DROSHA: variants seen among roughly 807,000 people sequenced by gnomAD.
DROSHA encodes ribonuclease 3.
Under a neutral mutation model 181.9 loss-of-function variants are expected in DROSHA, and 56 were observed. The observed-to-expected ratio is 0.31, with a 90% confidence interval of 0.25 to 0.38. The LOEUF is 0.38. Ranked by LOEUF, DROSHA falls within the 10% of genes least tolerant of loss-of-function variation. DROSHA has a pLI of 1.00. For missense variants in DROSHA, 1,218 were observed against 1,743.5 expected (o/e 0.70, Z 5.37); for synonymous variants, 524 against 591.2 (o/e 0.89, Z 1.65).
At chr5:31,405,594 AC>A (rs1230267668) in intron 35 of DROSHA, 82 bp downstream of exon 35, 6 of 1,210,018 alleles carry the variant, frequency 5.0e-6, no homozygotes, top group African/African-American at 3.1e-5. Context: ...ATCAATACTT[AC>A]CATTTTTCTC....
At chr5:31,520,551 A>G (rs751342966) in intron 6 of DROSHA, among the ~76,000 whole-genome samples, 2 of 152,312 alleles carry the variant, frequency 1.3e-5, no homozygotes, top group Non-Finnish European at 2.9e-5. Flanking sequence ...AAGAAGGTAC[A>G]TATAACTGTC....
At chr5:31,475,876 T>A (rs565127778) in intron 16 of DROSHA, among the ~76,000 whole-genome samples, 9 of 152,334 alleles carry the variant, frequency 5.9e-5, no homozygotes, top group Non-Finnish European at 1.2e-4. Flanking sequence ...TACAGCTGCC[T>A]GACTCCATGG....
intron 6 of DROSHA, among the ~76,000 whole-genome samples, chr5:31,516,886 A>G (rs1433076472): frequency 1.3e-5 from 2 of 152,170 alleles, no homozygotes; most frequent in African/African-American, 4.8e-5. Flanking sequence ...CTCTTCCACC[A>G]TAAACAATGC....
chr5:31,403,622 C>T (rs1740309410), intron 35 of DROSHA, among the ~76,000 whole-genome samples: 1 of 152,154 alleles, frequency 6.6e-6, no homozygotes, highest in African/African-American at 2.4e-5. Flanking sequence ...AAACTACTAT[C>T]CACAGGCCAA....
chr5:31,492,407 A>T (rs2150042669), intron 13 of DROSHA, among the ~76,000 whole-genome samples: 1 of 152,376 alleles, frequency 6.6e-6, no homozygotes, highest in Non-Finnish European at 1.5e-5. Flanking sequence ...AGTAAACAGT[A>T]CTAAAATAAT....
chr5:31,437,627 A>C (rs763436320), intron 23 of DROSHA, among the ~76,000 whole-genome samples: 4 of 152,180 alleles, frequency 2.6e-5, no homozygotes, highest in Non-Finnish European at 2.9e-5. Context: ...GAAGACATAA[A>C]GAAGAATGCC....
At position 31,526,868 on chromosome 5, in the gene DROSHA, C is replaced by T. The variant is rs1331222636; in HGVS notation, c.65G>A (p.Arg22Gln). The change falls in exon 5 of 36, where the codon CGA becomes CAA. Residue 22 changes from arginine (R) to glutamine (Q), a missense_variant. Arg to Gln is a conservative substitution (Grantham distance 43, BLOSUM62 1). Around this residue, in one of 8 missense-constraint regions of DROSHA, gnomAD observed 536 missense variants for 535.4 expected, o/e 1.00. Transcript: ENST00000344624. ...TGAGGGTCTGGCTCCATGTCCTCCTCGTCCTCGGGGACACCCTCGTCCCGG... is the reference window on the plus strand; with the variant it reads ...TGAGGGTCTGGCTCCATGTCCTCCTTGTCCTCGGGGACACCCTCGTCCCGG... ...FHPGRGCPRG[R>Q]GGHGARPSAP... The T allele has an allele frequency of 2.5e-6, 4 of 1,613,118 alleles. No individual in the cohort carries two copies. The highest frequency in any genetic ancestry group is 2.5e-6 in the Non-Finnish European group (3 of 1,179,858).
intron 13 of DROSHA, among the ~76,000 whole-genome samples, chr5:31,487,426 A>G (rs1211901909): frequency 1.3e-5 from 2 of 152,246 alleles, no homozygotes; most frequent in Non-Finnish European, 2.9e-5. Flanking sequence ...TACTGCCTAC[A>G]CATAACAGGT....
intron 11 of DROSHA, among the ~76,000 whole-genome samples, chr5:31,502,687 C>A (rs1247068410): frequency 1.3e-5 from 2 of 152,244 alleles, no homozygotes; most frequent in African/African-American, 4.8e-5. Context: ...CCTCCCTCAG[C>A]TGATGACTAA....
chr5:31,504,113 A>AC (rs1737627410), intron 11 of DROSHA, among the ~76,000 whole-genome samples: 1 of 152,218 alleles, frequency 6.6e-6, no homozygotes, highest in African/African-American at 2.4e-5. Flanking sequence ...TCCCTGATAA[A>AC]CCAAGGGCAG....
intron 22 of DROSHA, 55 bp downstream of exon 22, chr5:31,449,226 A>G (rs1463127959): frequency 1.2e-6 from 2 of 1,601,008 alleles, no homozygotes; most frequent in Non-Finnish European, 1.7e-6. Context: ...ATAATTTACA[A>G]CAGAAAACAC....
rs142288774 is a variant in DROSHA, at chr5:31,473,669, G to A, written c.2072-1437C>T. Among the ~76,000 whole-genome samples the A allele has an allele frequency of 1.4e-3, 207 of 152,330 alleles. No homozygotes were observed. The Middle Eastern group carries it at 0.014, about 10-fold the overall frequency. ...GAATCAAACAGGACAAGGAACTAGA[G>A]TTGTATCTAAAAGGATGGATAAGAA... On this transcript the variant is annotated intron_variant, in intron 16 of 35. Transcript: ENST00000344624.
chr5:31,499,493 C>G (rs1318949588), intron 11 of DROSHA, among the ~76,000 whole-genome samples: 1 of 152,160 alleles, frequency 6.6e-6, no homozygotes, highest in Non-Finnish European at 1.5e-5. Flanking sequence ...GGCAGGGCAA[C>G]TAAACTTTAA....
At chr5:31,441,001 C>T (rs1189270265) in intron 23 of DROSHA, among the ~76,000 whole-genome samples, 2 of 151,220 alleles carry the variant, frequency 1.3e-5, no homozygotes, top group African/African-American at 2.4e-5. Context: ...TGGTCCCAAG[C>T]ATTTCAGATA....
intron 14 of DROSHA, among the ~76,000 whole-genome samples, chr5:31,485,635 T>TAAAA (rs10523474): frequency 0.068 from 9,189 of 135,924 alleles, 673 homozygotes; most frequent in African/African-American, 0.18. Flanking sequence ...AAAAGGAAGT[T>TAAAA]AAAAAAAAAA....
chr5:31,402,890 T>TCTCTGC (rs1740192471), intron 35 of DROSHA, among the ~76,000 whole-genome samples: 2 of 152,156 alleles, frequency 1.3e-5, no homozygotes, highest in South Asian at 2.1e-4. Context: ...TTCAAGCAAT[T>TCTCTGC]CTCTGCCTCT....
At chr5:31,510,140 ATAAAT>A (rs1738506598) in intron 9 of DROSHA, among the ~76,000 whole-genome samples, 1 of 152,030 alleles carries the variant, frequency 6.6e-6, no homozygotes, top group South Asian at 2.1e-4. Context: ...AATTTTTAAA[ATAAAT>A]TAATCCTATA....
chr5:31,432,742 G>A (rs904010624), intron 25 of DROSHA, among the ~76,000 whole-genome samples: 2 of 152,106 alleles, frequency 1.3e-5, no homozygotes, highest in Non-Finnish European at 2.9e-5. Context: ...TGATGAATAC[G>A]TCAGTGTATA....
At chr5:31,463,676 G>A (rs1314982386) in intron 20 of DROSHA, among the ~76,000 whole-genome samples, 1 of 152,104 alleles carries the variant, frequency 6.6e-6, no homozygotes, top group Non-Finnish European at 1.5e-5. Flanking sequence ...AAACAAAAAT[G>A]CTTATTAGTC....
Sources: allele counts gnomAD v4.1 joint callset (sites outside exome capture counted in the v4.1 genomes callset), GRCh38; gene constraint gnomAD v4.1.1; regional missense constraint gnomAD v4.1.1; transcripts MANE v1.5; gene names NCBI Gene and HGNC (gene_info 2026-07-23, HGNC 2026-07-21).